SMCO2: variants seen among roughly 807,000 people sequenced by gnomAD.
The protein encoded by SMCO2 is single-pass membrane protein with coiled-coil domains 2.
In SMCO2, 25 loss-of-function variants were observed where a neutral mutation model predicts 29.5. That is an observed-to-expected ratio of 0.85 (90% CI 0.62 to 1.18). The LOEUF (loss-of-function observed/expected upper bound fraction) is 1.18, where lower values mean the gene tolerates loss of function less well. Ranked by LOEUF, SMCO2 falls within the 50% of genes most tolerant of loss-of-function variation. The pLI, the probability that SMCO2 is intolerant of heterozygous loss-of-function variation, is 0.00. For synonymous variants in SMCO2, 117 were observed against 123.3 expected, an observed-to-expected ratio of 0.95 and a Z score of 0.34; for missense variants, 348 against 344.5, an observed-to-expected ratio of 1.01 and a Z score of -0.08.
chr12:27,476,980 G>A (rs141090975), intron 4 of SMCO2, among the ~76,000 whole-genome samples: 30 of 152,074 alleles, frequency 2.0e-4, no homozygotes, highest in East Asian at 3.9e-4. Flanking sequence ...TAGTGGTAAT[G>A]TTTGATTTTT....
At chr12:27,460,708 A>T in the SMCO2 span, among the ~76,000 whole-genome samples, 4 of 152,148 alleles carry the variant, frequency 2.6e-5, no homozygotes, top group Non-Finnish European at 4.4e-5. Context: ...AAACCCTCAT[A>T]TAAGTGGACT....
At chr12:27,477,425 T>G (rs1370782967) in intron 4 of SMCO2, among the ~76,000 whole-genome samples, 1 of 151,980 alleles carries the variant, frequency 6.6e-6, no homozygotes, top group East Asian at 1.9e-4. Flanking sequence ...GAAGACTTTT[T>G]TGATACAAAT....
intron 5 of SMCO2, among the ~76,000 whole-genome samples, chr12:27,492,027 T>C (rs1406884712): frequency 6.6e-6 from 1 of 152,158 alleles, no homozygotes; most frequent in Non-Finnish European, 1.5e-5. Context: ...ATTTTAACAA[T>C]TAAAACATTA....
chr12:27,462,746 AG>A, upstream of SMCO2, among the ~76,000 whole-genome samples: 2 of 152,370 alleles, frequency 1.3e-5, no homozygotes, highest in Middle Eastern at 3.4e-3. Context: ...AGTAATTGAG[AG>A]TAAATTAAAA....
At chr12:27,473,182 A>G (rs981714257) in intron 3 of SMCO2, 3 of 310,374 alleles carry the variant, frequency 9.7e-6, no homozygotes, top group African/African-American at 6.5e-5. Flanking sequence ...CTCACCTTCG[A>G]GCAAATCACC....
chr12:27,458,971 A>G, the SMCO2 span, among the ~76,000 whole-genome samples: 6 of 151,736 alleles, frequency 4.0e-5, no homozygotes, highest in Middle Eastern at 3.4e-3. Context: ...GCAGATCACG[A>G]TGTCAGAAGA....
chr12:27,467,423 C>G (rs770590667), intron 1 of SMCO2, among the ~76,000 whole-genome samples: 8 of 150,630 alleles, frequency 5.3e-5, no homozygotes, highest in Non-Finnish European at 8.9e-5. Context: ...GTATGAATTA[C>G]CTGAAACCTT....
chr12:27,474,951 T>C (rs1347103736), intron 4 of SMCO2, 38 bp downstream of exon 4: 2 of 1,539,826 alleles, frequency 1.3e-6, no homozygotes, highest in East Asian at 2.5e-5. Flanking sequence ...CATTTAATAA[T>C]GTGTGGAGGG....
At chr12:27,437,631 A>G in the SMCO2 span, among the ~76,000 whole-genome samples, 2 of 151,994 alleles carry the variant, frequency 1.3e-5, no homozygotes, top group Non-Finnish European at 2.9e-5. Context: ...TTATAAGTAC[A>G]ACTGGCATGA....
At chr12:27,489,641 T>G (rs914849452) in intron 5 of SMCO2, among the ~76,000 whole-genome samples, 1 of 152,224 alleles carries the variant, frequency 6.6e-6, no homozygotes, top group Non-Finnish European at 1.5e-5. Flanking sequence ...ATATTAAAAG[T>G]AACTTACAGA....
chr12:27,444,139 AAC>A, the SMCO2 span, among the ~76,000 whole-genome samples: 1 of 152,360 alleles, frequency 6.6e-6, no homozygotes, highest in Non-Finnish European at 1.5e-5. Context: ...TTGGCATAAA[AAC>A]AGACACACAT....
chr12:27,440,257 T>G, the SMCO2 span, among the ~76,000 whole-genome samples: 1 of 152,210 alleles, frequency 6.6e-6, no homozygotes, highest in Non-Finnish European at 1.5e-5. Flanking sequence ...TTCTCAAAAT[T>G]GTCATTCACA....
At chr12:27,442,235 CA>C in the SMCO2 span, among the ~76,000 whole-genome samples, 1 of 151,284 alleles carries the variant, frequency 6.6e-6, no homozygotes, top group Non-Finnish European at 1.5e-5. Flanking sequence ...GAAATTGAGA[CA>C]AAAAAATTAA....
At chr12:27,431,943 T>C in the SMCO2 span, among the ~76,000 whole-genome samples, 3 of 152,232 alleles carry the variant, frequency 2.0e-5, no homozygotes, top group African/African-American at 7.2e-5. Context: ...GTTATACTCC[T>C]ATTATTCTGT....
the SMCO2 span, among the ~76,000 whole-genome samples, chr12:27,460,733 C>A: frequency 3.9e-5 from 6 of 152,066 alleles, no homozygotes; most frequent in South Asian, 4.2e-4. Flanking sequence ...CAGTTCAAAC[C>A]CGTGTTCTTC....
At chr12:27,470,755 G>T (rs1206057201) in exon 2 of SMCO2, 2 of 1,550,714 alleles carry the variant, frequency 1.3e-6, no homozygotes, top group Admixed American at 3.9e-5. Context: ...GACTGAAGGT[G>T]CAATGCAGGA....
chr12:27,491,930 G>A (rs1942918525), intron 5 of SMCO2, among the ~76,000 whole-genome samples: 1 of 151,884 alleles, frequency 6.6e-6, no homozygotes, highest in Non-Finnish European at 1.5e-5. Flanking sequence ...GGCTGGTCTT[G>A]AACTCCCGAC....
At chr12:27,484,873 T>A (rs201231964) in intron 4 of SMCO2, among the ~76,000 whole-genome samples, 2,424 of 86,108 alleles carry the variant, frequency 0.028, 22 homozygotes, top group Middle Eastern at 0.052. Context: ...AAAAAAAAAA[T>A]ATATATATAT....
chr12:27,441,470 A>G, the SMCO2 span, among the ~76,000 whole-genome samples: 3 of 152,158 alleles, frequency 2.0e-5, no homozygotes, highest in African/African-American at 7.2e-5. Flanking sequence ...CAAATCAAAG[A>G]CTATAAAAAA....
Sources: allele counts gnomAD v4.1 joint callset (sites outside exome capture counted in the v4.1 genomes callset), GRCh38; gene constraint gnomAD v4.1.1; transcripts MANE v1.5; gene names NCBI Gene and HGNC (gene_info 2026-07-23, HGNC 2026-07-21).